Variants in GPC5 observed in about 807,000 individuals in gnomAD.
The protein encoded by GPC5 is glypican-5.
Under a neutral mutation model 53.9 loss-of-function variants are expected in GPC5, and 47 were observed. The ratio of observed to expected loss-of-function variants is 0.87; its 90% CI spans 0.69 to 1.11. The LOEUF (loss-of-function observed/expected upper bound fraction) is 1.11, where lower values mean the gene tolerates loss of function less well. Ranked by LOEUF, GPC5 falls within the 50% of genes most tolerant of loss-of-function variation. GPC5 has a pLI of 0.00. For missense variants in GPC5, 748 were observed against 713.1 expected, an observed-to-expected ratio of 1.05 and a Z score of -0.56; for synonymous variants, 286 against 263.3, an observed-to-expected ratio of 1.09 and a Z score of -0.84.
intron 2 of GPC5, among the ~76,000 whole-genome samples, chr13:91,506,050 T>C (rs551409167): frequency 6.6e-6 from 1 of 152,268 alleles, no homozygotes; most frequent in East Asian, 1.9e-4. Context: ...GATTCTATCA[T>C]TTAAAAATTC....
At chr13:92,818,009 ATT>A (rs201769060) in intron 7 of GPC5, among the ~76,000 whole-genome samples, 5,532 of 135,416 alleles carry the variant, frequency 0.041, 403 homozygotes, top group East Asian at 0.33. Flanking sequence ...CCTAAATTGC[ATT>A]TTTTTTTTTT....
At chr13:91,555,819 C>T (rs2030914324) in intron 2 of GPC5, among the ~76,000 whole-genome samples, 2 of 152,006 alleles carry the variant, frequency 1.3e-5, no homozygotes, top group African/African-American at 2.4e-5. Flanking sequence ...AGGGGTCTCC[C>T]CTTATAAAAC....
intron 2 of GPC5, among the ~76,000 whole-genome samples, chr13:91,620,097 C>T (rs910545732): frequency 4.6e-5 from 7 of 152,190 alleles, no homozygotes; most frequent in East Asian, 1.9e-4. Context: ...TGCTTAATAA[C>T]GGCTTGATTT....
At chr13:92,645,283 C>A (rs1885731232) in intron 7 of GPC5, among the ~76,000 whole-genome samples, 1 of 152,066 alleles carries the variant, frequency 6.6e-6, no homozygotes. Flanking sequence ...GTAGCTGGGA[C>A]TACAGTGCCC....
chr13:91,989,317 C>T (rs192577359), intron 6 of GPC5, among the ~76,000 whole-genome samples: 3 of 152,306 alleles, frequency 2.0e-5, no homozygotes, highest in Admixed American at 6.5e-5. Context: ...TTCTAAATCC[C>T]ATATGATTCC....
chr13:91,532,394 C>A (rs1405613422), intron 2 of GPC5, among the ~76,000 whole-genome samples: 1 of 152,128 alleles, frequency 6.6e-6, no homozygotes, highest in Non-Finnish European at 1.5e-5. Flanking sequence ...TATTCATGTA[C>A]AATTATGGCT....
chr13:92,512,099 C>T (rs1255837562), intron 7 of GPC5, among the ~76,000 whole-genome samples: 6 of 152,178 alleles, frequency 3.9e-5, no homozygotes, highest in Non-Finnish European at 5.9e-5. Flanking sequence ...AATAGCAAAG[C>T]ATGCATCCAT....
chr13:92,249,342 G>A (rs1434045128), intron 7 of GPC5, among the ~76,000 whole-genome samples: 1 of 152,086 alleles, frequency 6.6e-6, no homozygotes, highest in East Asian at 1.9e-4. Flanking sequence ...TGGTAAATAT[G>A]ATACTTTCTT....
chr13:92,136,488 T>C (rs1255977009), intron 6 of GPC5, among the ~76,000 whole-genome samples: 2 of 152,206 alleles, frequency 1.3e-5, no homozygotes, highest in Admixed American at 6.5e-5. Flanking sequence ...AATTTTCACC[T>C]ACCTATACTC....
At chr13:91,723,169 AT>A (rs557143578) in intron 3 of GPC5, among the ~76,000 whole-genome samples, 53 of 150,558 alleles carry the variant, frequency 3.5e-4, no homozygotes, top group East Asian at 3.5e-3. Flanking sequence ...ATTTTTATTT[AT>A]TTTTTTTTCA....
At chr13:91,593,840 T>C (rs1336328400) in intron 2 of GPC5, among the ~76,000 whole-genome samples, 1 of 152,026 alleles carries the variant, frequency 6.6e-6, no homozygotes, top group African/African-American at 2.4e-5. Context: ...AAATAATGTG[T>C]GGCCTGATAA....
At chr13:91,587,333 G>C (rs1439610756) in intron 2 of GPC5, among the ~76,000 whole-genome samples, 1 of 152,090 alleles carries the variant, frequency 6.6e-6, no homozygotes, top group Non-Finnish European at 1.5e-5. Flanking sequence ...TTTGCAAACA[G>C]TAGTTTCCTA....
intron 7 of GPC5, among the ~76,000 whole-genome samples, chr13:92,426,267 C>A (rs1003873312): frequency 1.3e-5 from 2 of 152,014 alleles, no homozygotes; most frequent in Non-Finnish European, 2.9e-5. Context: ...CTATATTATA[C>A]CCATGGTGAA....
intron 4 of GPC5, among the ~76,000 whole-genome samples, chr13:91,743,734 T>C (rs1486934662): frequency 1.3e-5 from 2 of 152,158 alleles, no homozygotes; most frequent in Admixed American, 1.3e-4. Flanking sequence ...CCCTTTTTCA[T>C]CTTCAGTCCA....
chr13:91,746,192 A>T (rs2037046491), intron 4 of GPC5, among the ~76,000 whole-genome samples: 1 of 152,202 alleles, frequency 6.6e-6, no homozygotes, highest in South Asian at 2.1e-4. Context: ...GAGCCTGCTC[A>T]TTAGTGCCAC....
intron 2 of GPC5, among the ~76,000 whole-genome samples, chr13:91,622,110 C>G (rs964303627): frequency 6.6e-6 from 1 of 152,012 alleles, no homozygotes; most frequent in African/African-American, 2.4e-5. Flanking sequence ...ATTCTAGCCA[C>G]CCTGGCAACT....
intron 5 of GPC5, among the ~76,000 whole-genome samples, chr13:91,886,358 T>C (rs2039322292): frequency 6.6e-6 from 1 of 152,168 alleles, no homozygotes; most frequent in Non-Finnish European, 1.5e-5. Flanking sequence ...CATGTGGGGA[T>C]TATGGGAACT....
chr13:91,560,652 T>A (rs1247209429), intron 2 of GPC5, among the ~76,000 whole-genome samples: 3 of 152,084 alleles, frequency 2.0e-5, no homozygotes, highest in African/African-American at 4.8e-5. Flanking sequence ...TACACAAAGG[T>A]CTTGCAGCAC....
intron 7 of GPC5, among the ~76,000 whole-genome samples, chr13:92,791,856 A>T (rs1206189560): frequency 2.0e-5 from 3 of 152,144 alleles, no homozygotes; most frequent in Non-Finnish European, 4.4e-5. Flanking sequence ...AAACATATAT[A>T]ACATAAAATT....
Sources: gnomAD v4.1 joint callset for allele counts (sites outside exome capture counted in the v4.1 genomes callset) on GRCh38, gnomAD v4.1.1 for gene constraint, MANE v1.5 for transcripts, NCBI Gene and HGNC (gene_info 2026-07-23, HGNC 2026-07-21) for gene names.